Variants in C15orf62 observed in about 807,000 individuals in gnomAD.
C15orf62 encodes chromosome 15 open reading frame 62.
Under a neutral mutation model 13.2 loss-of-function variants are expected in C15orf62, and 11 were observed. The ratio of observed to expected loss-of-function variants is 0.83; its 90% CI spans 0.52 to 1.38. C15orf62 has a LOEUF of 1.38. Ranked by LOEUF, C15orf62 falls within the 40% of genes most tolerant of loss-of-function variation. The pLI is 0.00. For missense variants in C15orf62, 204 were observed against 229.1 expected, an observed-to-expected ratio of 0.89 and a Z score of 0.71; for synonymous variants, 88 against 95.6, an observed-to-expected ratio of 0.92 and a Z score of 0.46.
chr15:40,770,836 T>G lies in C15orf62; in HGVS notation c.341T>G (p.Leu114Arg). The change falls in exon 1 of 1, where the codon CTC becomes CGC. Residue 114 changes from leucine to arginine, a missense_variant. Transcript: ENST00000344320. This position sits in a 1 kb window ranked among gnomAD's most constrained non-coding sequence, Gnocchi z 5.0. ...AAYSATLPSALSLSSALHQHS... is the reference protein window; with the variant it reads ...AAYSATLPSARSLSSALHQHS... Reference sequence around the variant, plus strand: ...TACTCTGCCACCCTGCCATCGGCGCTCTCTCTGTCGAGTGCCCTCCACCAG... The same window carrying G: ...TACTCTGCCACCCTGCCATCGGCGCGCTCTCTGTCGAGTGCCCTCCACCAG... The G allele has an allele frequency of 6.4e-7, 1 of 1,551,282 alleles. No individual in the cohort carries two copies. Among genetic ancestry groups the G allele is most frequent in the Non-Finnish European group, 8.7e-7 (1 of 1,146,944 alleles).
rs559698327 is a variant in C15orf62, at chr15:40,771,071, T to A, written c.*48T>A. 237 of 1,521,736 alleles carry A rather than the reference T, an allele frequency of 1.6e-4. No homozygotes were observed. The highest frequency in any genetic ancestry group is 3.6e-4 in the South Asian group (29 of 80,824). The allele number at this position is 1,521,736 out of a possible 1,614,324, so 94.3% of individuals were successfully genotyped here. On this transcript the variant is annotated 3_prime_UTR_variant, in exon 1 of 1. Transcript: ENST00000344320. ...CGGGGTGACTGGAAGATCCAGAGGC[T>A]GGGGATTAAGGAAAGGACAGGGACA...
chr15:40,770,230 A>G lies in C15orf62; in HGVS notation c.-266A>G. The G allele has an allele frequency of 2.1e-6, 1 of 480,160 alleles. No individual in the cohort carries two copies. The highest frequency in any genetic ancestry group is 3.7e-6 in the Non-Finnish European group (1 of 270,400). 29.7% of individuals were successfully genotyped at this position (480,160 alleles called of 1,614,324 possible). On this transcript the variant is annotated 5_prime_UTR_variant, in exon 1 of 1. Transcript: ENST00000344320. This position sits in a 1 kb window ranked among gnomAD's most constrained non-coding sequence, Gnocchi z 5.0. ...CTCCTGGGTTTTTTTCCACTACCCT[A>G]TTCAGTAACCAGGCCACTCCTGTCC...
Position 40,771,237 on chromosome 15 carries a change from GAGGCAAT to G in C15orf62, c.*215_*221del. The G allele has an allele frequency of 1.7e-6, 1 of 589,002 alleles. No homozygotes were observed. The highest frequency in any genetic ancestry group is 3.1e-6 in the Non-Finnish European group (1 of 325,500). The allele number at this position is 589,002 out of a possible 1,614,324, so 36.5% of individuals were successfully genotyped here. ...CCAGGCACCCCAGAGTGGAGGGACA[GAGGCAAT>G]CTGGAAATGTTGGGGGGGCGGCCCT... On this transcript the variant is annotated 3_prime_UTR_variant, in exon 1 of 1. Coordinates refer to ENST00000344320, the MANE Select transcript of C15orf62 (RefSeq NM_001130448.3).
chr15:40,770,697 G>A lies in C15orf62; in HGVS notation c.202G>A (p.Gly68Arg), dbSNP rs1287681813. ...RPDGRRLPLWGDEQPRATLLA... is the reference protein window; with the variant it reads ...RPDGRRLPLWRDEQPRATLLA... The stretch of plus-strand genomic sequence containing the variant: ...AGATGGCCGGCGCCTGCCACTGTGG[G>A]GGGACGAGCAGCCCCGGGCCACCCT... The change falls in exon 1 of 1, where the codon GGG becomes AGG. Residue 68 changes from glycine (G) to arginine (R), a missense_variant. Transcript: ENST00000344320. This position sits in a 1 kb window ranked among gnomAD's most constrained non-coding sequence, Gnocchi z 5.0. 1 of 1,547,892 alleles carries A rather than the reference G, an allele frequency of 6.5e-7. No individual in the cohort carries two copies. Among genetic ancestry groups the A allele is most frequent in the Non-Finnish European group, 8.7e-7 (1 of 1,146,942 alleles).
Position 40,770,636 on chromosome 15 carries a change from C to G in C15orf62, c.141C>G (p.Ser47Arg). Residue 47 changes from serine (S) to arginine (R), a missense_variant, in exon 1 of 1, where the codon AGC becomes AGG. Ser to Arg is a moderately radical substitution (Grantham distance 110). Transcript: ENST00000344320. The surrounding 1 kb of genome is among the most constrained non-coding windows in gnomAD (Gnocchi z 5.0). Reference protein sequence around the residue: ...STAGGDHEEYSNREVIRELQG... With the variant: ...STAGGDHEEYRNREVIRELQG... ...CAGGTGGGGACCACGAGGAGTACAG[C>G]AACCGAGAAGTCATCCGGGAGCTAC... 1 of 1,550,402 alleles carries G rather than the reference C, an allele frequency of 6.4e-7. No homozygotes were observed. Among genetic ancestry groups the G allele is most frequent in the Non-Finnish European group, 8.7e-7 (1 of 1,146,968 alleles).
At position 40,770,559 on chromosome 15, in the gene C15orf62, C is replaced by T. The variant is rs778476975; in HGVS notation, c.64C>T (p.Arg22Trp). 40 of 1,550,504 alleles carry T rather than the reference C, an allele frequency of 2.6e-5. No individual in the cohort carries two copies. The African/African-American group carries it at 2.6e-4, about 10-fold the overall frequency. ...CTTCTTCAAGCAGCTGAGCCTGGGG[C>T]GGCCACGGCGGCTCCGGCGACAGAG... ...ASFFKQLSLG[R>W]PRRLRRQSSV... Residue 22 changes from arginine to tryptophan, a missense_variant, in exon 1 of 1, where the codon CGG becomes TGG. Coordinates refer to ENST00000344320, the MANE Select transcript of C15orf62 (RefSeq NM_001130448.3). The surrounding 1 kb of genome is among the most constrained non-coding windows in gnomAD (Gnocchi z 5.0).
rs540328555 is a variant in C15orf62, at chr15:40,772,401, A to G, written c.*1378A>G. 6.0e-5 allele frequency: 10 copies of G among 167,314 alleles called. No individual in the cohort carries two copies. The highest frequency in any genetic ancestry group is 2.2e-4 in the African/African-American group (9 of 41,600). 10.4% of individuals were successfully genotyped at this position (167,314 alleles called of 1,614,324 possible). A position where few individuals can be genotyped will look rare whatever the true frequency, so the allele number is the denominator to read the frequency against. On this transcript the variant is annotated 3_prime_UTR_variant, in exon 1 of 1. Transcript: ENST00000344320. ...CTCCCTCTTTCCTCCTCTTGTGTAT[A>G]GGTACCGAGCTGTGGATACAGGAGA...
In C15orf62 at chr15:40,770,967, C is replaced by G. The variant is rs1287365306; in HGVS notation, c.472C>G (p.Leu158Val). ...SFKVDLGISL[L>V]EEVLQMLREQ... ...CAAAGTGGACCTGGGGATTTCACTT[C>G]TTGAGGAAGTTCTGCAGATGCTAAG... Residue 158 changes from leucine (L) to valine (V), a missense_variant, in exon 1 of 1, where the codon CTT (leucine) becomes GTT (valine). Leu to Val is a conservative substitution (Grantham distance 32). Transcript: ENST00000344320. This position sits in a 1 kb window ranked among gnomAD's most constrained non-coding sequence, Gnocchi z 5.0. 5 of 1,551,356 alleles carry G rather than the reference C, an allele frequency of 3.2e-6. No homozygotes were observed. In the South Asian group the frequency reaches 4.8e-5, roughly 15 times the overall value.
At position 40,770,845 on chromosome 15, in the gene C15orf62, C is replaced by T. The variant is rs374302461; in HGVS notation, c.350C>T (p.Ser117Leu). 2.2e-5 allele frequency: 34 copies of T among 1,551,370 alleles called. No homozygotes were observed. In the Middle Eastern group the frequency reaches 5.0e-4, roughly 23 times the overall value. The change falls in exon 1 of 1, where the codon TCG becomes TTG. Residue 117 changes from serine to leucine, a missense_variant. Physicochemically the swap from Ser to Leu is moderately radical, Grantham distance 145 (BLOSUM62 -2). Coordinates refer to ENST00000344320, the MANE Select transcript of C15orf62 (RefSeq NM_001130448.3). The surrounding 1 kb of genome is among the most constrained non-coding windows in gnomAD (Gnocchi z 5.0). ...SATLPSALSL[S>L]SALHQHSEKG... ...ACCCTGCCATCGGCGCTCTCTCTGT[C>T]GAGTGCCCTCCACCAGCACTCAGAG...
rs2004043 is a variant in C15orf62 at position 40,771,326 on chromosome 15, A to G, written c.*303A>G. The G allele has an allele frequency of 0.017, 7,494 of 430,156 alleles. 498 individuals are homozygous for G. Among genetic ancestry groups the G allele is most frequent in the African/African-American group, 0.15 (6,960 of 47,344 alleles). 26.6% of individuals were successfully genotyped at this position (430,156 alleles called of 1,614,324 possible). On this transcript the variant is annotated 3_prime_UTR_variant, in exon 1 of 1. Coordinates refer to ENST00000344320, the MANE Select transcript of C15orf62 (RefSeq NM_001130448.3). ...GCCGGGAAAGGGAGGCTGTGCCGGGAAAGGGAGGCTCTGTGCGGCACTACA... is the reference window on the plus strand; with the variant it reads ...GCCGGGAAAGGGAGGCTGTGCCGGGGAAGGGAGGCTCTGTGCGGCACTACA...
chr15:40,770,555 G>T lies in C15orf62; in HGVS notation c.60G>T (p.Leu20=), dbSNP rs549297373. 5 of 1,550,722 alleles carry T rather than the reference G, an allele frequency of 3.2e-6. No homozygotes were observed. In the East Asian group the frequency reaches 1.2e-4, roughly 38 times the overall value. Residue 20 remains leucine, a synonymous_variant, in exon 1 of 1, where the codon CTG becomes CTT. Coordinates refer to ENST00000344320, the MANE Select transcript of C15orf62 (RefSeq NM_001130448.3). This position sits in a 1 kb window ranked among gnomAD's most constrained non-coding sequence, Gnocchi z 5.0. ...CCTCCTTCTTCAAGCAGCTGAGCCTGGGGCGGCCACGGCGGCTCCGGCGAC... is the reference window on the plus strand; with the variant it reads ...CCTCCTTCTTCAAGCAGCTGAGCCTTGGGCGGCCACGGCGGCTCCGGCGAC... ...RNASFFKQLS[L]GRPRRLRRQS... is the part of the protein sequence containing the mutation.
In C15orf62 at chr15:40,770,370, G is replaced by C. The variant is rs563854441; in HGVS notation, c.-126G>C. On this transcript the variant is annotated 5_prime_UTR_variant, in exon 1 of 1. Coordinates refer to ENST00000344320, the MANE Select transcript of C15orf62 (RefSeq NM_001130448.3). The surrounding 1 kb of genome is among the most constrained non-coding windows in gnomAD (Gnocchi z 5.0). Reference sequence around the variant, plus strand: ...CAAGATGTGGTCAAAGGTCTGTGCTGAGTGGAAACCCTGAGGCCTCTGCTC... The same window carrying C: ...CAAGATGTGGTCAAAGGTCTGTGCTCAGTGGAAACCCTGAGGCCTCTGCTC... The C allele has an allele frequency of 3.3e-6, 3 of 909,622 alleles. No individual in the cohort carries two copies. In the Admixed American group the frequency reaches 8.7e-5, roughly 26 times the overall value. 56.3% of individuals were successfully genotyped at this position (909,622 alleles called of 1,614,324 possible). A position where few individuals can be genotyped will look rare whatever the true frequency, so the allele number is the denominator to read the frequency against.
chr15:40,770,869 A>T lies in C15orf62; in HGVS notation c.374A>T (p.Glu125Val). Residue 125 changes from glutamate (E) to valine (V), a missense_variant, in exon 1 of 1, where the codon GAG (glutamate) becomes GTG (valine). Transcript: ENST00000344320. The surrounding 1 kb of genome is among the most constrained non-coding windows in gnomAD (Gnocchi z 5.0). The stretch of plus-strand genomic sequence containing the variant: ...TCGAGTGCCCTCCACCAGCACTCAG[A>T]GAAGGGCCTTGTGGACACTCCCTGC... The part of the protein sequence containing the change: ...SLSSALHQHS[E>V]KGLVDTPCFQ... 6.4e-7 allele frequency: 1 copy of T among 1,551,536 alleles called. No homozygotes were observed.
At position 40,770,422 on chromosome 15, in the gene C15orf62, ACTCACTGCCCCAG is replaced by A. The variant is rs1411927908; in HGVS notation, c.-72_-60del. 7.1e-7 allele frequency: 1 copy of A among 1,416,012 alleles called. No individual in the cohort carries two copies. Among genetic ancestry groups the A allele is most frequent in the Non-Finnish European group, 9.4e-7 (1 of 1,062,382 alleles). The allele number at this position is 1,416,012 out of a possible 1,614,324, so 87.7% of individuals were successfully genotyped here. On this transcript the variant is annotated 5_prime_UTR_variant, in exon 1 of 1. Coordinates refer to ENST00000344320, the MANE Select transcript of C15orf62 (RefSeq NM_001130448.3). This position sits in a 1 kb window ranked among gnomAD's most constrained non-coding sequence, Gnocchi z 5.0. ...TAGGGGAGCCTCCCCAGCTGCTGGC[ACTCACTGCCCCAG>A]CAGGGACCACATGCACCCTGGCTGC...
At position 40,771,863 on chromosome 15, in the gene C15orf62, G is replaced by C. The variant is rs1422757323; in HGVS notation, c.*840G>C. On this transcript the variant is annotated 3_prime_UTR_variant, in exon 1 of 1. Transcript: ENST00000344320. ...TAGGTAGAGATAGAGTATAACTCAG[G>C]AAAAAGACCAGGCAAATCCTTAGCA... The C allele has an allele frequency of 1.2e-5, 2 of 167,076 alleles. No individual in the cohort carries two copies. Among genetic ancestry groups the C allele is most frequent in the Admixed American group, 1.3e-4 (2 of 15,278 alleles). 10.3% of individuals were successfully genotyped at this position (167,076 alleles called of 1,614,324 possible).
At position 40,771,009 on chromosome 15, in the gene C15orf62, G is replaced by C. The variant is rs1269530612; in HGVS notation, c.514G>C (p.Glu172Gln). The C allele has an allele frequency of 6.4e-7, 1 of 1,550,550 alleles. No homozygotes were observed. Among genetic ancestry groups the C allele is most frequent in the Admixed American group, 2.0e-5 (1 of 50,982 alleles). The stretch of plus-strand genomic sequence containing the variant: ...GATGCTAAGGGAGCAGTTTCCTAGC[G>C]AGCCCAGCTTCTAAATGGGGTGAGG... The part of the protein sequence containing the change: ...LQMLREQFPS[E>Q]PSF The change falls in exon 1 of 1, where the codon GAG becomes CAG. Residue 172 changes from glutamate (E) to glutamine (Q), a missense_variant. Transcript: ENST00000344320.
In C15orf62 at chr15:40,770,409, C is replaced by T; in HGVS notation, c.-87C>T. On this transcript the variant is annotated 5_prime_UTR_variant, in exon 1 of 1. Transcript: ENST00000344320. The surrounding 1 kb of genome is among the most constrained non-coding windows in gnomAD (Gnocchi z 5.0). ...AGGCCTCTGCTCCTAGGGGAGCCTCCCCAGCTGCTGGCACTCACTGCCCCA... is the reference window on the plus strand; with the variant it reads ...AGGCCTCTGCTCCTAGGGGAGCCTCTCCAGCTGCTGGCACTCACTGCCCCA... The T allele has an allele frequency of 7.3e-7, 1 of 1,365,434 alleles. No individual in the cohort carries two copies. The highest frequency in any genetic ancestry group is 9.8e-7 in the Non-Finnish European group (1 of 1,020,302). The allele number at this position is 1,365,434 out of a possible 1,614,324, so 84.6% of individuals were successfully genotyped here.
Position 40,770,739 on chromosome 15 carries a change from C to G in C15orf62, c.244C>G (p.Pro82Ala), listed in dbSNP as rs1472288216. 6.5e-7 allele frequency: 1 copy of G among 1,545,498 alleles called. No individual in the cohort carries two copies. The highest frequency in any genetic ancestry group is 8.7e-7 in the Non-Finnish European group (1 of 1,146,928). The change falls in exon 1 of 1, where the codon CCC becomes GCC. Residue 82 changes from proline to alanine, a missense_variant. Pro to Ala is a conservative substitution (Grantham distance 27). Coordinates refer to ENST00000344320, the MANE Select transcript of C15orf62 (RefSeq NM_001130448.3). This position sits in a 1 kb window ranked among gnomAD's most constrained non-coding sequence, Gnocchi z 5.0. ...GGCCACCCTGCTGGCCCCACCCAAG[C>G]CCCCACGCCTCTACCGAGAGAGCTC... ...PRATLLAPPK[P>A]PRLYRESSSC...
chr15:40,771,255 T>G lies in C15orf62; in HGVS notation c.*232T>G. On this transcript the variant is annotated 3_prime_UTR_variant, in exon 1 of 1. Coordinates refer to ENST00000344320, the MANE Select transcript of C15orf62 (RefSeq NM_001130448.3). The stretch of plus-strand genomic sequence containing the variant: ...AGGGACAGAGGCAATCTGGAAATGT[T>G]GGGGGGGCGGCCCTTCCTGGCAGGA... 1 of 563,420 alleles carries G rather than the reference T, an allele frequency of 1.8e-6. No homozygotes were observed. Among genetic ancestry groups the G allele is most frequent in the Non-Finnish European group, 3.2e-6 (1 of 309,572 alleles). 34.9% of individuals were successfully genotyped at this position (563,420 alleles called of 1,614,324 possible). A position where few individuals can be genotyped will look rare whatever the true frequency, so the allele number is the denominator to read the frequency against.
Sources: gnomAD v4.1 joint callset for allele counts on GRCh38, gnomAD v4.1.1 for gene constraint, Gnocchi (gnomAD v3.1) non-coding constraint, MANE v1.5 for transcripts, NCBI Gene and HGNC (gene_info 2026-07-23, HGNC 2026-07-21) for gene names.